Variants in PLAGL1 observed in about 807,000 individuals in gnomAD.
The protein encoded by PLAGL1 is zinc finger protein PLAGL1.
In PLAGL1, 1 loss-of-function variant was observed where a neutral mutation model predicts 4.6. The ratio of observed to expected loss-of-function variants is 0.22; its 90% CI spans 0.08 to 1.03. The LOEUF (loss-of-function observed/expected upper bound fraction) is 1.03, where lower values mean the gene tolerates loss of function less well. Among genes scored for constraint, PLAGL1 ranks in the 50% least tolerant of loss-of-function variants. PLAGL1 has a pLI of 0.58. For synonymous variants in PLAGL1, 240 were observed against 237.8 expected (o/e 1.01, Z -0.08); for missense variants, 464 against 570.4 (o/e 0.81, Z 1.90).
At position 143,942,008 on chromosome 6, in the gene PLAGL1, G is replaced by C. The variant is rs778298992; in HGVS notation, c.808C>G (p.Gln270Glu). ...AGCGGCTGCATAGGCTGGGCGGCTT[G>C]TTCTGGGGGACTGAGGGTGAGGCTA... ...VHSLTLSPPE[Q>E]AAQPMQPLPE... The change falls in exon 8 of 8, where the codon CAA becomes GAA. Residue 270 changes from glutamine (Q) to glutamate (E), a missense_variant. Physicochemically the swap from Gln to Glu is conservative, Grantham distance 29. Transcript: ENST00000674357. This position sits in a 1 kb window ranked among gnomAD's most constrained non-coding sequence, Gnocchi z 7.6. 1 of 1,594,920 alleles carries C rather than the reference G, an allele frequency of 6.3e-7. No homozygotes were observed. Among genetic ancestry groups the C allele is most frequent in the South Asian group, 1.1e-5 (1 of 87,302 alleles).
At position 143,966,654 on chromosome 6, in the gene PLAGL1, C is replaced by T. The variant is rs1007408267; in HGVS notation, c.-471-456G>A. 5.1e-4 allele frequency: 77 copies of T among 152,244 alleles called. No homozygotes were observed. Among genetic ancestry groups the T allele is most frequent in the African/African-American group, 1.8e-3 (75 of 41,538 alleles). The allele number at this position is 152,244 out of a possible 1,614,324, so 9.4% of individuals were successfully genotyped here. On this transcript the variant is annotated intron_variant, in intron 3 of 7. Coordinates refer to ENST00000674357, the MANE Select transcript of PLAGL1 (RefSeq NM_001317162.2). This position sits in a 1 kb window ranked among gnomAD's most constrained non-coding sequence, Gnocchi z 6.0. ...GCTGGAACAAAAAGGGAAAAATTAC[C>T]TTGGTAAATGCCACATCATGGATCA...
At chr6:144,052,793 T>C (rs1051228383) in intron 1 of PLAGL1, among the ~76,000 whole-genome samples, 7 of 152,172 alleles carry the variant, frequency 4.6e-5, no homozygotes, top group African/African-American at 1.7e-4. Flanking sequence ...TTTTTCCTTT[T>C]CCAACAACTA....
rs1035074769 is a variant in PLAGL1, at chr6:144,022,343, C to T, written c.-151+42125G>A. Among the ~76,000 whole-genome samples, 1 of 152,148 alleles carries T rather than the reference C, an allele frequency of 6.6e-6. No individual in the cohort carries two copies. Among genetic ancestry groups the T allele is most frequent in the African/African-American group, 2.4e-5 (1 of 41,434 alleles). ...TCCAAATTAAAACAAGATACTAGTA[C>T]ATACTTACTAGAATGGCTAAATTTG... On this transcript the variant is annotated intron_variant, in intron 1 of 3. Transcript: ENST00000437412. The surrounding 1 kb of genome is among the most constrained non-coding windows in gnomAD (Gnocchi z 4.2).
Position 144,056,853 on chromosome 6 carries a change from C to T in PLAGL1, c.-151+7615G>A, listed in dbSNP as rs540769028. Among the ~76,000 whole-genome samples the T allele has an allele frequency of 6.6e-6, 1 of 152,046 alleles. No homozygotes were observed. Among genetic ancestry groups the T allele is most frequent in the African/African-American group, 2.4e-5 (1 of 41,482 alleles). ...CTAATTTTTTTTAATTTTATTTATG[C>T]TGCCCAGGTGTTGCCCAGGCTGCTC... On this transcript the variant is annotated intron_variant, in intron 1 of 3. Transcript: ENST00000437412. The surrounding 1 kb of genome is among the most constrained non-coding windows in gnomAD (Gnocchi z 4.7).
chr6:143,948,291 C>G lies in PLAGL1; in HGVS notation c.-155G>C. ...GCAGCATCGTGGGCCTGGTTCTACC[C>G]AGACATGGACCTCTCAGCTGTCACT... On this transcript the variant is annotated 5_prime_UTR_variant, in exon 7 of 8. Coordinates refer to ENST00000674357, the MANE Select transcript of PLAGL1 (RefSeq NM_001317162.2). The surrounding 1 kb of genome is among the most constrained non-coding windows in gnomAD (Gnocchi z 6.0). 1 of 623,710 alleles carries G rather than the reference C, an allele frequency of 1.6e-6. No individual in the cohort carries two copies. The highest frequency in any genetic ancestry group is 2.9e-6 in the Non-Finnish European group (1 of 349,682). 38.6% of individuals were successfully genotyped at this position (623,710 alleles called of 1,614,324 possible). A position where few individuals can be genotyped will look rare whatever the true frequency, so the allele number is the denominator to read the frequency against.
chr6:143,988,302 G>C (rs968428070), intron 1 of PLAGL1, among the ~76,000 whole-genome samples: 3 of 152,174 alleles, frequency 2.0e-5, no homozygotes, highest in African/African-American at 7.2e-5. Context: ...TTTTTAAGTT[G>C]TTAAATTCTT....
intron 1 of PLAGL1, among the ~76,000 whole-genome samples, chr6:144,060,686 G>A (rs190247403): frequency 1.3e-5 from 2 of 152,228 alleles, no homozygotes; most frequent in Non-Finnish European, 2.9e-5. Context: ...ATTTTTCAAC[G>A]AAGAGATTCT....
At chr6:143,988,041 A>G (rs943946913) in intron 1 of PLAGL1, among the ~76,000 whole-genome samples, 2 of 152,164 alleles carry the variant, frequency 1.3e-5, no homozygotes, top group East Asian at 1.9e-4. Flanking sequence ...TTTCCCATAC[A>G]TATAAGATAA....
rs980042111 is a variant in PLAGL1, at chr6:144,013,834, C to T, written c.-150-44856G>A. On this transcript the variant is annotated intron_variant, in intron 1 of 3. Coordinates refer to the PLAGL1 transcript ENST00000437412. The surrounding 1 kb of genome is among the most constrained non-coding windows in gnomAD (Gnocchi z 4.4). ...CTGAAATAACTGAAGGTGGTCTCCTCATTTCAAGATCCGTAACTTAAGTCA... is the reference window on the plus strand; with the variant it reads ...CTGAAATAACTGAAGGTGGTCTCCTTATTTCAAGATCCGTAACTTAAGTCA... Among the ~76,000 whole-genome samples, 1 of 152,188 alleles carries T rather than the reference C, an allele frequency of 6.6e-6. No homozygotes were observed. The highest frequency in any genetic ancestry group is 2.4e-5 in the African/African-American group (1 of 41,446).
intron 1 of PLAGL1, among the ~76,000 whole-genome samples, chr6:144,043,582 T>G (rs909607931): frequency 6.6e-6 from 1 of 152,242 alleles, no homozygotes; most frequent in African/African-American, 2.4e-5. Flanking sequence ...TTTGCCAGTA[T>G]TTTATTGAGG....
chr6:143,962,058 G>A lies in PLAGL1; in HGVS notation c.-398-1516C>T, dbSNP rs1017118874. On this transcript the variant is annotated intron_variant, in intron 5 of 7. Transcript: ENST00000674357. The surrounding 1 kb of genome is among the most constrained non-coding windows in gnomAD (Gnocchi z 5.3). ...AAGCTGTTCAATGTAAGCAGCACTC[G>A]TGAAAGAGGAGAACTCTGGCAGGGA... 3.3e-5 allele frequency among the ~76,000 whole-genome samples: 5 copies of A among 152,190 alleles called. No individual in the cohort carries two copies. The highest frequency in any genetic ancestry group is 9.7e-5 in the African/African-American group (4 of 41,438).
Position 144,050,382 on chromosome 6 carries a change from G to A in PLAGL1, c.-151+14086C>T, listed in dbSNP as rs1798493196. On this transcript the variant is annotated intron_variant, in intron 1 of 3. Coordinates refer to the PLAGL1 transcript ENST00000437412. This position sits in a 1 kb window ranked among gnomAD's most constrained non-coding sequence, Gnocchi z 4.3. ...AAGGTCTTTGATACCAGCAACCAGG[G>A]CTTGCTCGGCTTTCCTGCCCAAATC... Among the ~76,000 whole-genome samples the A allele has an allele frequency of 6.6e-6, 1 of 152,124 alleles. No homozygotes were observed. Among genetic ancestry groups the A allele is most frequent in the African/African-American group, 2.4e-5 (1 of 41,412 alleles).
intron 2 of PLAGL1, among the ~76,000 whole-genome samples, chr6:143,976,536 A>G (rs1786591568): frequency 6.6e-6 from 1 of 152,044 alleles, no homozygotes. Flanking sequence ...CTTATATTGC[A>G]TTACCTACTA....
At chr6:143,980,903 G>A (rs1438207607) in intron 2 of PLAGL1, among the ~76,000 whole-genome samples, 2 of 152,132 alleles carry the variant, frequency 1.3e-5, no homozygotes, top group East Asian at 3.8e-4. Flanking sequence ...TAGGCCCACA[G>A]GCCAAATCTG....
intron 1 of PLAGL1, among the ~76,000 whole-genome samples, chr6:144,024,438 T>C (rs1583757700): frequency 6.6e-6 from 1 of 152,192 alleles, no homozygotes; most frequent in East Asian, 1.9e-4. Context: ...GTTTCCCCCA[T>C]ACTGTTCTTG....
Position 143,997,311 on chromosome 6 carries a change from T to A in PLAGL1, c.-584+10779A>T, listed in dbSNP as rs1259649235. On this transcript the variant is annotated intron_variant, in intron 1 of 7. Coordinates refer to ENST00000674357, the MANE Select transcript of PLAGL1 (RefSeq NM_001317162.2). The surrounding 1 kb of genome is among the most constrained non-coding windows in gnomAD (Gnocchi z 4.6). ...GTTCCTTGGCAAAATACTGCAAATG[T>A]CCACCAAAAGACTTGTGAATGAGTA... Among the ~76,000 whole-genome samples, 1 of 152,190 alleles carries A rather than the reference T, an allele frequency of 6.6e-6. No individual in the cohort carries two copies. Among genetic ancestry groups the A allele is most frequent in the Admixed American group, 6.5e-5 (1 of 15,270 alleles).
chr6:143,991,836 A>C lies in PLAGL1; in HGVS notation c.-583-6662T>G, dbSNP rs76361536. Reference sequence around the variant, plus strand: ...CAGACTGTGCCCTGTTATATGCAGTACCTAGACCCAAGGGGTGGCCAAGGG... The same window carrying C: ...CAGACTGTGCCCTGTTATATGCAGTCCCTAGACCCAAGGGGTGGCCAAGGG... On this transcript the variant is annotated intron_variant, in intron 1 of 7. Transcript: ENST00000674357. Among the ~76,000 whole-genome samples, 1,412 of 152,318 alleles carry C rather than the reference A, an allele frequency of 9.3e-3. 61 individuals carry two copies. The East Asian group carries it at 0.13, about 14-fold the overall frequency.
At position 143,971,450 on chromosome 6, in the gene PLAGL1, T is replaced by A. The variant is rs9403540; in HGVS notation, c.-543-2472A>T. ...GCTTACTTACTCCCTCCTACAACAC[T>A]TTCTAAAAATTTCCATTATGATTTT... On this transcript the variant is annotated intron_variant, in intron 2 of 7. Transcript: ENST00000674357. The surrounding 1 kb of genome is among the most constrained non-coding windows in gnomAD (Gnocchi z 4.7). 1.3e-5 allele frequency among the ~76,000 whole-genome samples: 2 copies of A among 152,086 alleles called. No homozygotes were observed. Among genetic ancestry groups the A allele is most frequent in the Non-Finnish European group, 2.9e-5 (2 of 67,980 alleles).
At position 143,943,031 on chromosome 6, in the gene PLAGL1, A is replaced by ATTTTTTTTTTTTTTTTTTT. The variant is rs61216054; in HGVS notation, c.153-387_153-369dup. On this transcript the variant is annotated intron_variant, in intron 7 of 7. Transcript: ENST00000674357. ...AGGCACACACCACCAGGCCTGGCTA[A>ATTTTTTTTTTTTTTTTTTT]TTTTTTTTTTTTTTTTTTTGAGACA... 1.2e-4 allele frequency among the ~76,000 whole-genome samples: 8 copies of ATTTTTTTTTTTTTTTTTTT among 64,642 alleles called. 1 individual carries two copies. The highest frequency in any genetic ancestry group is 2.6e-4 in the African/African-American group (5 of 19,098). The allele number at this position is 64,642 out of a possible 152,430, so 42.4% of individuals were successfully genotyped here.
Sources: gnomAD v4.1 joint callset for allele counts (sites outside exome capture counted in the v4.1 genomes callset) on GRCh38, gnomAD v4.1.1 for gene constraint, Gnocchi (gnomAD v3.1) non-coding constraint, MANE v1.5 for transcripts, NCBI Gene and HGNC (gene_info 2026-07-23, HGNC 2026-07-21) for gene names.